The following CHRM3 variants were observed in gnomAD, a reference collection of about 807,000 sequenced individuals.
CHRM3 encodes the protein cholinergic receptor muscarinic 3.
A neutral mutation model predicts 41.8 loss-of-function variants in CHRM3; 11 were observed. The observed-to-expected ratio is 0.26, with a 90% CI of 0.17 to 0.44. The LOEUF (loss-of-function observed/expected upper bound fraction) is 0.44. Ranked by LOEUF, CHRM3 falls within the 20% of genes least tolerant of loss-of-function variation. The pLI is 1.00. For synonymous variants in CHRM3, 297 were observed against 301.4 expected (o/e 0.99, Z 0.15); for missense variants, 571 against 745.4 (o/e 0.77, Z 2.72).
intron 1 of CHRM3, among the ~76,000 whole-genome samples, chr1:239,433,371 C>T (rs1274983042): frequency 6.6e-6 from 1 of 152,192 alleles, no homozygotes; most frequent in Non-Finnish European, 1.5e-5. Flanking sequence ...TTCAGCCATG[C>T]CACGACTGTC....
intron 3 of CHRM3, among the ~76,000 whole-genome samples, chr1:239,597,706 A>C (rs571150258): frequency 6.6e-6 from 1 of 152,002 alleles, no homozygotes; most frequent in South Asian, 2.1e-4. Context: ...TAAAATACAA[A>C]TATGCTTTAG....
At position 239,901,639 on chromosome 1, in the gene CHRM3, T is replaced by TA. The variant is rs371388697; in HGVS notation, c.-19-5793dup. Among the ~76,000 whole-genome samples, 602 of 152,346 alleles carry TA rather than the reference T, an allele frequency of 4.0e-3. 7 individuals are homozygous for TA. The highest frequency in any genetic ancestry group is 0.013 in the African/African-American group (546 of 41,584). On this transcript the variant is annotated intron_variant, in intron 6 of 6. Coordinates refer to ENST00000676153, the MANE Select transcript of CHRM3 (RefSeq NM_001375978.1). Reference sequence around the variant, plus strand: ...TTGTCATCCCACAACTTGCCTTTCTTACTTAACAAAGTATTTTTAGATGGT... The same window carrying TA: ...TTGTCATCCCACAACTTGCCTTTCTTAACTTAACAAAGTATTTTTAGATGGT...
chr1:239,680,708 A>ATG lies in CHRM3; in HGVS notation c.-147+2439_-147+2440dup, dbSNP rs71758239. The stretch of plus-strand genomic sequence containing the variant: ...CAGAATAACAGAATTTGGTGTGTGC[A>ATG]TGTGTGTGTGTGTGTGTGTGGTTGG... On this transcript the variant is annotated intron_variant, in intron 5 of 6. Transcript: ENST00000676153. Among the ~76,000 whole-genome samples the ATG allele has an allele frequency of 1.9e-3, 290 of 149,498 alleles. 1 individual carries two copies. Among genetic ancestry groups the ATG allele is most frequent in the Middle Eastern group, 0.01 (3 of 290 alleles).
chr1:239,874,545 G>A (rs980173047), intron 6 of CHRM3, among the ~76,000 whole-genome samples: 4 of 151,370 alleles, frequency 2.6e-5, no homozygotes, highest in South Asian at 2.1e-4. Context: ...TTGTGGATCC[G>A]ATCCCTGATG....
chr1:239,794,204 T>C (rs951185573), intron 5 of CHRM3, among the ~76,000 whole-genome samples: 2 of 152,152 alleles, frequency 1.3e-5, no homozygotes, highest in African/African-American at 2.4e-5. Flanking sequence ...AAATAAATGA[T>C]ATATCAGCTA....
intron 5 of CHRM3, among the ~76,000 whole-genome samples, chr1:239,797,747 C>G (rs1336932000): frequency 6.6e-6 from 1 of 152,094 alleles, no homozygotes; most frequent in East Asian, 1.9e-4. Context: ...CTGTACTCGC[C>G]TCAAACTTAA....
At chr1:239,749,687 G>A (rs910487369) in intron 5 of CHRM3, among the ~76,000 whole-genome samples, 2 of 152,056 alleles carry the variant, frequency 1.3e-5, no homozygotes, top group South Asian at 4.1e-4. Context: ...GAAGTGTGAA[G>A]GGTAGCTTTG....
At chr1:239,880,840 G>A (rs978868597) in intron 6 of CHRM3, among the ~76,000 whole-genome samples, 4 of 152,132 alleles carry the variant, frequency 2.6e-5, no homozygotes, top group African/African-American at 9.7e-5. Context: ...GCAACTAAAA[G>A]CAAGCGAGGC....
intron 6 of CHRM3, among the ~76,000 whole-genome samples, chr1:239,875,608 A>T (rs1018961459): frequency 6.6e-6 from 1 of 152,304 alleles, no homozygotes; most frequent in Admixed American, 6.5e-5. Context: ...TCATGTCACA[A>T]TGGAGACCTA....
chr1:239,449,753 T>TGTGTGTGC (rs58076099), intron 1 of CHRM3, among the ~76,000 whole-genome samples: 115 of 151,690 alleles, frequency 7.6e-4, no homozygotes, highest in African/African-American at 2.6e-3. Flanking sequence ...TGTGTGTGTG[T>TGTGTGTGC]GCGTGTGTGT....
chr1:239,796,917 G>A (rs997007125), intron 5 of CHRM3, among the ~76,000 whole-genome samples: 2 of 152,068 alleles, frequency 1.3e-5, no homozygotes, highest in Admixed American at 1.3e-4. Context: ...ATCCACTACT[G>A]TTTGTAGACA....
chr1:239,521,810 G>A (rs895631177), intron 2 of CHRM3, among the ~76,000 whole-genome samples: 4 of 152,082 alleles, frequency 2.6e-5, no homozygotes, highest in African/African-American at 9.7e-5. Context: ...TCAAAAACCA[G>A]TGCAGTCTGA....
rs143305433 is a variant in CHRM3 at position 239,909,089 on chromosome 1, G to T, written c.1638G>T (p.Leu546=). The T allele has an allele frequency of 1.9e-6, 3 of 1,614,106 alleles. 1 individual carries two copies. Among genetic ancestry groups the T allele is most frequent in the Non-Finnish European group, 2.5e-6 (3 of 1,180,034 alleles). ...NSTVNPVCYA[L]CNKTFRTTFK... is the part of the protein sequence containing the mutation. ...CCGTGAACCCCGTGTGCTATGCTCT[G>T]TGCAACAAAACATTCAGAACCACTT... The change falls in exon 7 of 7, where the codon CTG becomes CTT. Residue 546 remains leucine (L), a synonymous_variant. Coordinates refer to ENST00000676153, the MANE Select transcript of CHRM3 (RefSeq NM_001375978.1).
chr1:239,903,314 C>T (rs1679725408), intron 6 of CHRM3, among the ~76,000 whole-genome samples: 1 of 152,182 alleles, frequency 6.6e-6, no homozygotes, highest in Non-Finnish European at 1.5e-5. Context: ...TGTATACAAA[C>T]ATAATGTGAT....
At chr1:239,467,900 C>A (rs1016745067) in intron 1 of CHRM3, among the ~76,000 whole-genome samples, 20 of 121,196 alleles carry the variant, frequency 1.7e-4, no homozygotes, top group Admixed American at 1.5e-3. Context: ...ATTTTCCCTA[C>A]CCCCCCCCAA....
chr1:239,763,652 C>G (rs2148670543), intron 5 of CHRM3, among the ~76,000 whole-genome samples: 1 of 152,182 alleles, frequency 6.6e-6, no homozygotes, highest in Non-Finnish European at 1.5e-5. Context: ...TGCCCCCACC[C>G]CCGAAAAAGT....
At chr1:239,697,476 A>T (rs1660303879) in intron 5 of CHRM3, among the ~76,000 whole-genome samples, 1 of 152,130 alleles carries the variant, frequency 6.6e-6, no homozygotes, top group Non-Finnish European at 1.5e-5. Context: ...TACCCAAATA[A>T]AATCACCATT....
intron 3 of CHRM3, among the ~76,000 whole-genome samples, chr1:239,560,356 C>G (rs561470163): frequency 6.6e-6 from 1 of 152,022 alleles, no homozygotes; most frequent in African/African-American, 2.4e-5. Flanking sequence ...ATGTTGTAAT[C>G]TTAAAAATAC....
chr1:239,620,464 G>A (rs946022667), intron 3 of CHRM3, among the ~76,000 whole-genome samples: 5 of 152,090 alleles, frequency 3.3e-5, no homozygotes, highest in African/African-American at 1.2e-4. Context: ...AGATAGATAG[G>A]TAGGTATGGG....
Sources: allele counts gnomAD v4.1 joint callset (sites outside exome capture counted in the v4.1 genomes callset), GRCh38; gene constraint gnomAD v4.1.1; transcripts MANE v1.5; gene names NCBI Gene and HGNC (gene_info 2026-07-23, HGNC 2026-07-21).